CSMD1: variants seen among roughly 807,000 people sequenced by gnomAD.
The protein encoded by CSMD1 is CUB and sushi domain-containing protein 1.
Under a neutral mutation model 417.5 loss-of-function variants are expected in CSMD1, and 213 were observed. That is an observed-to-expected ratio of 0.51 (90% confidence interval 0.46 to 0.57). CSMD1 has a LOEUF of 0.57. Ranked by LOEUF, CSMD1 falls within the 20% of genes least tolerant of loss-of-function variation. The pLI, the probability that CSMD1 is intolerant of heterozygous loss-of-function variation, is 0.00. For missense variants in CSMD1, 6,923 were observed against 4,529.7 expected, an observed-to-expected ratio of 1.53 and a Z score of -15.17; for synonymous variants, 2,862 against 1,736.8, an observed-to-expected ratio of 1.65 and a Z score of -16.11.
chr8:4,300,649 G>C (rs1450867235), intron 3 of CSMD1, among the ~76,000 whole-genome samples: 1 of 152,066 alleles, frequency 6.6e-6, no homozygotes, highest in African/African-American at 2.4e-5. Context: ...TCGTCATTTA[G>C]CATTAGGTAT....
chr8:3,531,619 G>A (rs1294304038), intron 10 of CSMD1, among the ~76,000 whole-genome samples: 6 of 152,152 alleles, frequency 3.9e-5, no homozygotes. Context: ...TCCACTCCAG[G>A]TTATGTGTTA....
rs1028592967 is a variant in CSMD1 at position 3,228,474 on chromosome 8, A to G, written c.4345+1566T>C. Among the ~76,000 whole-genome samples the G allele has an allele frequency of 2.0e-5, 3 of 152,186 alleles. No individual in the cohort carries two copies. In the East Asian group the frequency reaches 5.8e-4, roughly 29 times the overall value. Reference sequence around the variant, plus strand: ...TGTAGGCGGGTCTGGTTGCCAAAATAATTGATTATTCATCTGCCTGCAAGT... The same window carrying G: ...TGTAGGCGGGTCTGGTTGCCAAAATGATTGATTATTCATCTGCCTGCAAGT... On this transcript the variant is annotated intron_variant, in intron 27 of 69. Transcript: ENST00000635120.
intron 12 of CSMD1, among the ~76,000 whole-genome samples, chr8:3,436,202 T>C (rs973980635): frequency 6.6e-6 from 1 of 152,166 alleles, no homozygotes; most frequent in African/African-American, 2.4e-5. Context: ...CATTATAAGA[T>C]GCTTAATTAC....
chr8:3,823,127 C>T (rs576048971), intron 5 of CSMD1, among the ~76,000 whole-genome samples: 69 of 152,150 alleles, frequency 4.5e-4, no homozygotes, highest in African/African-American at 1.6e-3. Flanking sequence ...GATTCTCATC[C>T]CAAAGGTATA....
intron 2 of CSMD1, among the ~76,000 whole-genome samples, chr8:4,489,430 TC>T (rs1801585293): frequency 6.6e-6 from 1 of 152,212 alleles, no homozygotes; most frequent in East Asian, 1.9e-4. Flanking sequence ...ATGCTCAAAG[TC>T]TTTTTATATG....
At chr8:3,809,882 G>A (rs556149573) in intron 5 of CSMD1, among the ~76,000 whole-genome samples, 3 of 152,218 alleles carry the variant, frequency 2.0e-5, no homozygotes, top group Admixed American at 6.5e-5. Context: ...CACCCGTTAC[G>A]TACCTTTGCC....
At chr8:3,581,923 G>C (rs1800399263) in intron 9 of CSMD1, among the ~76,000 whole-genome samples, 2 of 152,080 alleles carry the variant, frequency 1.3e-5, no homozygotes, top group Admixed American at 6.5e-5. Flanking sequence ...TCCTGCCTCA[G>C]CCTCCCGAGT....
intron 18 of CSMD1, among the ~76,000 whole-genome samples, chr8:3,376,670 G>T (rs1443024180): frequency 6.6e-6 from 1 of 151,848 alleles, no homozygotes; most frequent in African/African-American, 2.4e-5. Context: ...TTATCCCAAT[G>T]TTCACTTCTT....
chr8:4,691,462 A>G (rs1806764162), intron 1 of CSMD1, among the ~76,000 whole-genome samples: 1 of 152,184 alleles, frequency 6.6e-6, no homozygotes, highest in South Asian at 2.1e-4. Flanking sequence ...CAATTTTATC[A>G]TTGATGGAAC....
At chr8:3,129,031 T>G (rs146190900) in intron 41 of CSMD1, 7 of 336,630 alleles carry the variant, frequency 2.1e-5, no homozygotes, top group African/African-American at 1.1e-4. Flanking sequence ...AACCAGATGC[T>G]TGACCTAGGA....
In CSMD1 at chr8:4,504,465, C is replaced by G. The variant is rs143199281; in HGVS notation, c.303-84400G>C. The stretch of plus-strand genomic sequence containing the variant: ...TTACAAGTTTGTTAAGAAAGTAGAT[C>G]TCATGTGAAGTGTTCTTTATTTAAG... On this transcript the variant is annotated intron_variant, in intron 2 of 69. Coordinates refer to ENST00000635120, the MANE Select transcript of CSMD1 (RefSeq NM_033225.6). Among the ~76,000 whole-genome samples, 6 of 152,286 alleles carry G rather than the reference C, an allele frequency of 3.9e-5. No homozygotes were observed. The East Asian group carries it at 9.7e-4, about 25-fold the overall frequency.
chr8:3,759,025 G>C (rs540333598), intron 5 of CSMD1, among the ~76,000 whole-genome samples: 1 of 152,158 alleles, frequency 6.6e-6, no homozygotes, highest in African/African-American at 2.4e-5. Flanking sequence ...GCAAACAAAC[G>C]CCTTTTCCCA....
At chr8:3,177,795 C>G (rs761168764) in intron 37 of CSMD1, among the ~76,000 whole-genome samples, 11 of 152,148 alleles carry the variant, frequency 7.2e-5, no homozygotes, top group Non-Finnish European at 1.3e-4. Context: ...CAGTAAGATC[C>G]ATCCTGTACA....
At chr8:4,190,956 G>A (rs374847033) in intron 3 of CSMD1, among the ~76,000 whole-genome samples, 2 of 151,908 alleles carry the variant, frequency 1.3e-5, no homozygotes, top group African/African-American at 2.4e-5. Flanking sequence ...TGGAGAGTGG[G>A]GGGGGCGGGG....
At chr8:3,637,142 A>T (rs1331712335) in intron 7 of CSMD1, among the ~76,000 whole-genome samples, 1 of 152,216 alleles carries the variant, frequency 6.6e-6, no homozygotes, top group African/African-American at 2.4e-5. Context: ...CGTTTGTGCT[A>T]TTCTGTTATA....
At chr8:3,643,685 CGT>C (rs1797426916) in intron 7 of CSMD1, among the ~76,000 whole-genome samples, 1 of 117,634 alleles carries the variant, frequency 8.5e-6, no homozygotes, top group Non-Finnish European at 1.6e-5. Flanking sequence ...TGGGCGACAG[CGT>C]GAGACTCCGT....
chr8:4,280,054 C>T (rs868753510), intron 3 of CSMD1, among the ~76,000 whole-genome samples: 4 of 152,220 alleles, frequency 2.6e-5, no homozygotes, highest in Admixed American at 1.3e-4. Flanking sequence ...ATAGCTAGAA[C>T]GCTGAGCGTT....
intron 3 of CSMD1, among the ~76,000 whole-genome samples, chr8:4,041,303 C>A (rs1797883594): frequency 6.6e-6 from 1 of 151,966 alleles, no homozygotes; most frequent in South Asian, 2.1e-4. Flanking sequence ...ATGCGTGAGC[C>A]ACCGCGCCTG....
At chr8:3,663,878 A>G (rs191390024) in intron 7 of CSMD1, among the ~76,000 whole-genome samples, 9 of 152,282 alleles carry the variant, frequency 5.9e-5, no homozygotes, top group African/African-American at 1.9e-4. Context: ...TCACAGGCGC[A>G]ACCTCAACCT....
Sources: allele counts gnomAD v4.1 joint callset (sites outside exome capture counted in the v4.1 genomes callset), GRCh38; gene constraint gnomAD v4.1.1; transcripts MANE v1.5; gene names NCBI Gene and HGNC (gene_info 2026-07-23, HGNC 2026-07-21).